Variants in SRBD1 observed in about 807,000 individuals in gnomAD.
SRBD1 encodes the protein S1 RNA-binding domain-containing protein 1.
A neutral mutation model predicts 115.3 loss-of-function variants in SRBD1; 88 were observed. The ratio of observed to expected loss-of-function variants is 0.76; its 90% CI spans 0.64 to 0.91. The LOEUF is 0.91. Ranked by LOEUF, SRBD1 falls within the 40% of genes least tolerant of loss-of-function variation. The pLI, the probability that SRBD1 is intolerant of heterozygous loss-of-function variation, is 0.00. For missense variants in SRBD1, 1,385 were observed against 1,177.4 expected, an observed-to-expected ratio of 1.18 and a Z score of -2.58; for synonymous variants, 509 against 407.7, an observed-to-expected ratio of 1.25 and a Z score of -2.99.
At chr2:45,531,559 T>C (rs1671613261) in intron 14 of SRBD1, among the ~76,000 whole-genome samples, 1 of 151,746 alleles carries the variant, frequency 6.6e-6, no homozygotes, top group African/African-American at 2.4e-5. Flanking sequence ...ACGATAGGAA[T>C]AGATCCAAAG....
intron 14 of SRBD1, among the ~76,000 whole-genome samples, chr2:45,508,674 T>G (rs1670869244): frequency 6.6e-6 from 1 of 152,172 alleles, no homozygotes; most frequent in Admixed American, 6.5e-5. Flanking sequence ...GAATACAAAC[T>G]CAATGTGTGA....
intron 18 of SRBD1, among the ~76,000 whole-genome samples, chr2:45,414,497 T>C (rs1207852778): frequency 1.3e-5 from 2 of 151,228 alleles, no homozygotes; most frequent in East Asian, 1.9e-4. Flanking sequence ...AGTGTGTATA[T>C]AGTGTGTGTG....
At chr2:45,394,205 C>T (rs1667081499) in intron 19 of SRBD1, among the ~76,000 whole-genome samples, 1 of 152,056 alleles carries the variant, frequency 6.6e-6, no homozygotes, top group East Asian at 1.9e-4. Context: ...TTTTCTTTTA[C>T]TATGTTTACC....
intron 14 of SRBD1, among the ~76,000 whole-genome samples, chr2:45,505,339 A>T (rs1004012988): frequency 6.6e-6 from 1 of 152,298 alleles, no homozygotes; most frequent in African/African-American, 2.4e-5. Flanking sequence ...CTGCCTAGAG[A>T]GCACATTCTG....
intron 19 of SRBD1, among the ~76,000 whole-genome samples, chr2:45,405,434 G>C (rs1252873809): frequency 1.3e-5 from 2 of 152,162 alleles, no homozygotes; most frequent in African/African-American, 2.4e-5. Flanking sequence ...TAGAAACATA[G>C]AGTTTCCATT....
At chr2:45,524,602 T>C (rs1671384513) in intron 14 of SRBD1, among the ~76,000 whole-genome samples, 1 of 152,162 alleles carries the variant, frequency 6.6e-6, no homozygotes, top group South Asian at 2.1e-4. Context: ...GTATCGAACT[T>C]ATACTCTGAA....
At chr2:45,425,143 T>G (rs1268380132) in intron 16 of SRBD1, among the ~76,000 whole-genome samples, 1 of 152,138 alleles carries the variant, frequency 6.6e-6, no homozygotes, top group African/African-American at 2.4e-5. Context: ...CCACTTTGAG[T>G]AAGGATCTCT....
intron 16 of SRBD1, among the ~76,000 whole-genome samples, chr2:45,442,963 A>T (rs1668715590): frequency 6.6e-6 from 1 of 152,192 alleles, no homozygotes; most frequent in Admixed American, 6.5e-5. Flanking sequence ...ACACGTAGTA[A>T]CAAGCTACAG....
rs748299091 is a variant in SRBD1 at position 45,459,667 on chromosome 2, G to T, written c.2049+17326C>A. On this transcript the variant is annotated intron_variant, in intron 16 of 20. Coordinates refer to ENST00000263736, the MANE Select transcript of SRBD1 (RefSeq NM_018079.5). ...GAAAACACTTTCACATATGCACCTT[G>T]AGGCACTTCCATGTCTAATTTTTTT... Among the ~76,000 whole-genome samples the T allele has an allele frequency of 9.2e-5, 14 of 152,114 alleles. 1 individual carries two copies. The highest frequency in any genetic ancestry group is 1.3e-4 in the Admixed American group (2 of 15,258).
intron 16 of SRBD1, among the ~76,000 whole-genome samples, chr2:45,437,845 T>A (rs577915639): frequency 6.6e-6 from 1 of 152,292 alleles, no homozygotes; most frequent in Admixed American, 6.5e-5. Flanking sequence ...TAAACTTGGA[T>A]ATGGCAATGA....
At position 45,605,323 on chromosome 2, in the gene SRBD1, C is replaced by T. The variant is rs776413171; in HGVS notation, c.80+39G>A. On this transcript the variant is annotated intron_variant, in intron 2 of 20. Coordinates refer to ENST00000263736, the MANE Select transcript of SRBD1 (RefSeq NM_018079.5). Reference sequence around the variant, plus strand: ...ATGCATTACTCCTTATTAAAATATTCATCATTCCCCTACCCACATATTAAA... The same window carrying T: ...ATGCATTACTCCTTATTAAAATATTTATCATTCCCCTACCCACATATTAAA... 15 of 1,566,378 alleles carry T rather than the reference C, an allele frequency of 9.6e-6. No homozygotes were observed. The South Asian group carries it at 1.6e-4, about 17-fold the overall frequency.
rs1558504993 is a variant in SRBD1 at position 45,599,523 on chromosome 2, C to G, written c.574G>C (p.Gly192Arg). 7 of 1,614,186 alleles carry G rather than the reference C, an allele frequency of 4.3e-6. No homozygotes were observed. Among genetic ancestry groups the G allele is most frequent in the Non-Finnish European group, 5.9e-6 (7 of 1,180,034 alleles). Residue 192 changes from glycine (G) to arginine (R), a missense_variant, in exon 4 of 21, where the codon GGG (glycine) becomes CGG (arginine). By Grantham distance (125) the Gly-to-Arg change is moderately radical (BLOSUM62 -2). Transcript: ENST00000263736. ...KKIKTETYPQ[G>R]QPVKFPANAN... ...TTTGCTGGAAACTTGACAGGCTGCC[C>G]CTGAGGATATGTCTCAGTCTTGATT...
At chr2:45,517,872 G>A (rs886602470) in intron 14 of SRBD1, among the ~76,000 whole-genome samples, 8 of 151,688 alleles carry the variant, frequency 5.3e-5, no homozygotes, top group Admixed American at 2.0e-4. Context: ...CTGGCAGCAC[G>A]TGCCTGTACT....
At chr2:45,599,965 T>C (rs908912199) in intron 3 of SRBD1, 130 bp from the exon 4 acceptor site, 68 of 1,118,568 alleles carry the variant, frequency 6.1e-5, no homozygotes, top group Non-Finnish European at 7.4e-5. Flanking sequence ...AAGTAAATTA[T>C]GTTGAGTGGG....
At chr2:45,461,248 A>T (rs542974595) in intron 16 of SRBD1, among the ~76,000 whole-genome samples, 145 of 152,268 alleles carry the variant, frequency 9.5e-4, no homozygotes, top group Non-Finnish European at 1.8e-4. Flanking sequence ...TTTCATGGAG[A>T]CTTGTAATGT....
At chr2:45,583,319 C>T (rs1673423457) in intron 5 of SRBD1, among the ~76,000 whole-genome samples, 1 of 152,148 alleles carries the variant, frequency 6.6e-6, no homozygotes, top group Non-Finnish European at 1.5e-5. Flanking sequence ...CTTCTATAGT[C>T]ATGGTAGCCC....
At chr2:45,566,088 C>T (rs1369266065) in intron 9 of SRBD1, among the ~76,000 whole-genome samples, 1 of 152,162 alleles carries the variant, frequency 6.6e-6, no homozygotes, top group African/African-American at 2.4e-5. Context: ...GTAGAGAAAT[C>T]GGAACCTTCA....
intron 9 of SRBD1, among the ~76,000 whole-genome samples, chr2:45,565,660 T>C (rs917739850): frequency 3.3e-5 from 5 of 152,202 alleles, no homozygotes; most frequent in African/African-American, 4.8e-5. Context: ...CAAAGAATAG[T>C]ATCAAGAAAG....
intron 2 of SRBD1, among the ~76,000 whole-genome samples, chr2:45,602,934 A>G (rs1476474613): frequency 6.6e-6 from 1 of 152,336 alleles, no homozygotes; most frequent in East Asian, 1.9e-4. Context: ...ATGATAGGTC[A>G]AACTACTGGT....
Sources: allele counts gnomAD v4.1 joint callset (sites outside exome capture counted in the v4.1 genomes callset), GRCh38; gene constraint gnomAD v4.1.1; transcripts MANE v1.5; gene names NCBI Gene and HGNC (gene_info 2026-07-23, HGNC 2026-07-21).